BICC1: variants seen among roughly 807,000 people sequenced by gnomAD.
BICC1 encodes the protein BicC family RNA binding protein 1.
Under a neutral mutation model 111.0 loss-of-function variants are expected in BICC1, and 43 were observed. That is an observed-to-expected ratio of 0.39 (90% CI 0.30 to 0.50). The LOEUF is 0.50. BICC1 is among the 20% of genes least tolerant of loss of function. BICC1 has a pLI of 0.88. For synonymous variants in BICC1, 467 were observed against 434.4 expected (o/e 1.07, Z -0.93); for missense variants, 1,091 against 1,203.2 (o/e 0.91, Z 1.38).
rs139962527 is a variant in BICC1, at chr10:58,679,428, T to C, written c.238-22646T>C. ...AGCACCTGTATGCAAATAAACTAGG[T>C]TATCTAGAAGAAATGGATAAATTCC... On this transcript the variant is annotated intron_variant, in intron 2 of 20. Transcript: ENST00000373886. Among the ~76,000 whole-genome samples the C allele has an allele frequency of 2.7e-3, 410 of 152,098 alleles. 3 individuals carry two copies. The highest frequency in any genetic ancestry group is 9.4e-3 in the African/African-American group (389 of 41,524).
At chr10:58,712,672 A>G (rs1840614230) in intron 3 of BICC1, among the ~76,000 whole-genome samples, 1 of 152,202 alleles carries the variant, frequency 6.6e-6, no homozygotes, top group Admixed American at 6.5e-5. Context: ...TGGAGACAGT[A>G]AAAAGATCAG....
At chr10:58,809,548 C>T (rs1843833226) in intron 17 of BICC1, among the ~76,000 whole-genome samples, 1 of 151,988 alleles carries the variant, frequency 6.6e-6, no homozygotes, top group Non-Finnish European at 1.5e-5. Flanking sequence ...CCAGTTCTTA[C>T]TGATATTGAG....
intron 3 of BICC1, among the ~76,000 whole-genome samples, chr10:58,769,750 C>G (rs1842571978): frequency 6.6e-6 from 1 of 151,720 alleles, no homozygotes; most frequent in Admixed American, 6.6e-5. Flanking sequence ...TTTTGAGATT[C>G]TACTGTATTC....
chr10:58,708,000 T>C (rs374865416), intron 3 of BICC1, among the ~76,000 whole-genome samples: 83 of 38,312 alleles, frequency 2.2e-3, no homozygotes, highest in African/African-American at 5.9e-3. Flanking sequence ...CCTAGCCAGC[T>C]AATTTTTTTT....
intron 3 of BICC1, among the ~76,000 whole-genome samples, chr10:58,724,975 T>C (rs763201796): frequency 3.9e-5 from 6 of 152,302 alleles, no homozygotes; most frequent in Non-Finnish European, 7.4e-5. Flanking sequence ...TCATTTGAGG[T>C]TAGACACCTG....
chr10:58,612,166 G>T (rs1478407897), intron 1 of BICC1, among the ~76,000 whole-genome samples: 1 of 152,188 alleles, frequency 6.6e-6, no homozygotes, highest in Admixed American at 6.5e-5. Flanking sequence ...TTTTAATGAT[G>T]ACTATGATTT....
intron 1 of BICC1, among the ~76,000 whole-genome samples, chr10:58,573,153 C>G (rs1430335567): frequency 1.3e-5 from 2 of 152,156 alleles, no homozygotes; most frequent in Non-Finnish European, 2.9e-5. Context: ...TCTCTTCCCT[C>G]TCTGCTTTCT....
At chr10:58,524,790 A>G (rs1315055899) in intron 1 of BICC1, among the ~76,000 whole-genome samples, 4 of 152,126 alleles carry the variant, frequency 2.6e-5, no homozygotes, top group Admixed American at 2.6e-4. Flanking sequence ...CAGAATGGGA[A>G]AAAATTTTTG....
At chr10:58,777,652 G>A (rs571420502) in intron 3 of BICC1, among the ~76,000 whole-genome samples, 2 of 151,956 alleles carry the variant, frequency 1.3e-5, no homozygotes, top group Admixed American at 6.6e-5. Flanking sequence ...GCCATACTTG[G>A]TTTCTTACAA....
chr10:58,554,042 T>C (rs1286130840), intron 1 of BICC1, among the ~76,000 whole-genome samples: 1 of 152,188 alleles, frequency 6.6e-6, no homozygotes, highest in Non-Finnish European at 1.5e-5. Flanking sequence ...TTTAAAATAA[T>C]GTTTTTGTTA....
In BICC1 at chr10:58,818,370, A is replaced by G. The variant is rs113053897; in HGVS notation, c.2694+648A>G. ...CATGATTCTTCCTAACAGTGCTCTC[A>G]TATTACTGGGGCACAGCTAACTCAA... On this transcript the variant is annotated intron_variant, in intron 19 of 20. Transcript: ENST00000373886. Among the ~76,000 whole-genome samples, 1,201 of 152,220 alleles carry G rather than the reference A, an allele frequency of 7.9e-3. 21 individuals carry two copies. The highest frequency in any genetic ancestry group is 0.025 in the African/African-American group (1,029 of 41,530).
At chr10:58,676,771 G>A (rs1839356753) in intron 2 of BICC1, among the ~76,000 whole-genome samples, 1 of 152,166 alleles carries the variant, frequency 6.6e-6, no homozygotes, top group African/African-American at 2.4e-5. Flanking sequence ...CTCCCTACAG[G>A]GGTCGACAGA....
chr10:58,527,422 T>G (rs1431977456), intron 1 of BICC1, among the ~76,000 whole-genome samples: 1 of 152,246 alleles, frequency 6.6e-6, no homozygotes, highest in East Asian at 1.9e-4. Context: ...GCTCTTTAGT[T>G]TAATTAGATC....
intron 2 of BICC1, among the ~76,000 whole-genome samples, chr10:58,700,105 C>T (rs969388262): frequency 1.3e-5 from 2 of 152,088 alleles, no homozygotes; most frequent in African/African-American, 4.8e-5. Context: ...TTCTGTTTTG[C>T]AGAAACAGGT....
intron 3 of BICC1, among the ~76,000 whole-genome samples, chr10:58,739,515 G>A (rs1490469542): frequency 6.9e-6 from 1 of 145,614 alleles, no homozygotes; most frequent in Non-Finnish European, 1.5e-5. Flanking sequence ...TGCATCGATG[G>A]AGCTGATTTT....
chr10:58,812,463 ATTTCT>A (rs1302992170), intron 17 of BICC1, among the ~76,000 whole-genome samples: 30 of 151,264 alleles, frequency 2.0e-4, no homozygotes, highest in African/African-American at 5.1e-4. Flanking sequence ...GTGATTCTAA[ATTTCT>A]TTTCTTTTCT....
chr10:58,572,619 A>C (rs571539086), intron 1 of BICC1, among the ~76,000 whole-genome samples: 89 of 152,284 alleles, frequency 5.8e-4, no homozygotes, highest in African/African-American at 1.9e-3. Flanking sequence ...CCTCAAATAA[A>C]ATATGCATGA....
intron 17 of BICC1, among the ~76,000 whole-genome samples, chr10:58,807,773 C>T (rs369786808): frequency 6.6e-6 from 1 of 152,096 alleles, no homozygotes; most frequent in South Asian, 2.1e-4. Context: ...ACCAAGCAGG[C>T]CTTTTCCATT....
At chr10:58,570,732 A>G (rs899558262) in intron 1 of BICC1, among the ~76,000 whole-genome samples, 1 of 152,152 alleles carries the variant, frequency 6.6e-6, no homozygotes, top group African/African-American at 2.4e-5. Context: ...AGGTCAGGGA[A>G]GTTATGTGCA....
Sources: gnomAD v4.1 joint callset for allele counts (sites outside exome capture counted in the v4.1 genomes callset) on GRCh38, gnomAD v4.1.1 for gene constraint, MANE v1.5 for transcripts, NCBI Gene and HGNC (gene_info 2026-07-23, HGNC 2026-07-21) for gene names.